Variants in NBEAL2 observed in about 807,000 individuals in gnomAD.
NBEAL2 encodes neurobeachin-like protein 2.
Under a neutral mutation model 299.8 loss-of-function variants are expected in NBEAL2, and 160 were observed. The ratio of observed to expected loss-of-function variants is 0.53; its 90% CI spans 0.47 to 0.61. The LOEUF is 0.61. Ranked by LOEUF, NBEAL2 falls within the 20% of genes least tolerant of loss-of-function variation. NBEAL2 has a pLI of 0.00. For synonymous variants in NBEAL2, 1,493 were observed against 1,542.3 expected (o/e 0.97, Z 0.75); for missense variants, 3,112 against 3,649.0 (o/e 0.85, Z 3.79).
chr3:47,002,761 G>A lies in NBEAL2; in HGVS notation c.5418G>A (p.Leu1806=), dbSNP rs1191526013. Residue 1806 remains leucine (L), a synonymous_variant, in exon 33 of 54, where the codon CTG becomes CTA. Coordinates refer to ENST00000450053, the MANE Select transcript of NBEAL2 (RefSeq NM_015175.3). ...HSMALLHWGA[L]WRQLASPCGA... is the part of the protein sequence containing the mutation. ...TGGCCCTGCTGCACTGGGGGGCGCT[G>A]TGGCGCCAGCTCGCCAGCCCATGTG... The A allele has an allele frequency of 6.4e-7, 1 of 1,572,126 alleles. No homozygotes were observed. Among genetic ancestry groups the A allele is most frequent in the Admixed American group, 1.8e-5 (1 of 54,690 alleles).
Position 46,989,318 on chromosome 3 carries a change from A to T in NBEAL2, c.410A>T (p.His137Leu), listed in dbSNP as rs1444511535. Residue 137 changes from histidine to leucine, a missense_variant, in exon 5 of 54, where the codon CAT (histidine) becomes CTT (leucine). Coordinates refer to ENST00000450053, the MANE Select transcript of NBEAL2 (RefSeq NM_015175.3). The surrounding 1 kb of genome is among the most constrained non-coding windows in gnomAD (Gnocchi z 5.5). ...ACGCAGTTGGAGAATGTGGCCCTACATGCTCTGCTTCTCTGCGAGGGCCTC... is the reference window on the plus strand; with the variant it reads ...ACGCAGTTGGAGAATGTGGCCCTACTTGCTCTGCTTCTCTGCGAGGGCCTC... ...RGTQLENVAL[H>L]ALLLCEGLFD... 6.2e-7 allele frequency: 1 copy of T among 1,601,346 alleles called. No homozygotes were observed. Among genetic ancestry groups the T allele is most frequent in the Non-Finnish European group, 8.5e-7 (1 of 1,174,168 alleles).
chr3:47,005,969 C>T lies in NBEAL2; in HGVS notation c.6825C>T (p.His2275=). ...AGGAGTCGGAGTATGTGTCTGCACA[C>T]CTACACGAGTGGATCGACCTCATCT... ...QALESEYVSA[H]LHEWIDLIFG... The change falls in exon 43 of 54, where the codon CAC becomes CAT. Residue 2275 remains histidine (H), a synonymous_variant. Coordinates refer to ENST00000450053, the MANE Select transcript of NBEAL2 (RefSeq NM_015175.3). The T allele has an allele frequency of 6.2e-7, 1 of 1,613,758 alleles. No homozygotes were observed. Among genetic ancestry groups the T allele is most frequent in the Non-Finnish European group, 8.5e-7 (1 of 1,179,904 alleles).
At chr3:47,007,790 G>T in intron 48 of NBEAL2, 26 bp from the exon 49 acceptor site, 2 of 1,610,808 alleles carry the variant, frequency 1.2e-6, no homozygotes, top group African/African-American at 1.3e-5. Context: ...CCTCCGTTCT[G>T]CCTGTACCCT....
Position 47,004,858 on chromosome 3 carries a change from T to G in NBEAL2, c.6295-114T>G. 1 of 1,464,352 alleles carries G rather than the reference T, an allele frequency of 6.8e-7. No homozygotes were observed. The highest frequency in any genetic ancestry group is 1.4e-5 in the African/African-American group (1 of 71,456). 90.7% of individuals were successfully genotyped at this position (1,464,352 alleles called of 1,614,324 possible). ...CCCCTGTGACCCCTCTAAGTGGTGC[T>G]CCCCCAACCTGTGGGCAGGCTCTGT... On this transcript the variant is annotated intron_variant, in intron 38 of 53. Coordinates refer to ENST00000450053, the MANE Select transcript of NBEAL2 (RefSeq NM_015175.3). The surrounding 1 kb of genome is among the most constrained non-coding windows in gnomAD (Gnocchi z 5.0).
chr3:46,997,451 C>CT lies in NBEAL2; in HGVS notation c.2824+19dup. The CT allele has an allele frequency of 6.2e-7, 1 of 1,605,158 alleles. No homozygotes were observed. The highest frequency in any genetic ancestry group is 8.5e-7 in the Non-Finnish European group (1 of 1,173,612). ...ATCTTCAGGTAAGTGTTCCTGGTGC[C>CT]TATGTTGTGGAGAGGGAATCTTGGC... is the stretch of plus-strand genomic sequence containing the variant. On this transcript the variant is annotated intron_variant, in intron 19 of 53. Coordinates refer to ENST00000450053, the MANE Select transcript of NBEAL2 (RefSeq NM_015175.3).
rs2036462239 is a variant in NBEAL2, at chr3:46,995,927, T to C, written c.2032-5T>C. On this transcript the variant is annotated splice_region_variant and splice_polypyrimidine_tract_variant and intron_variant, in intron 14 of 53. Transcript: ENST00000450053. ...GTATGGCCTAATGTGAGGCTTCTGTTCTAGCACTGCGTGGCTATCGTCCAT... is the reference window on the plus strand; with the variant it reads ...GTATGGCCTAATGTGAGGCTTCTGTCCTAGCACTGCGTGGCTATCGTCCAT... The C allele has an allele frequency of 6.2e-7, 1 of 1,613,378 alleles. No homozygotes were observed. Among genetic ancestry groups the C allele is most frequent in the Non-Finnish European group, 8.5e-7 (1 of 1,179,798 alleles).
At chr3:46,994,383 G>A in intron 11 of NBEAL2, 72 bp from the exon 12 acceptor site, 1 of 1,398,436 alleles carries the variant, frequency 7.2e-7, no homozygotes, top group Non-Finnish European at 9.9e-7. Context: ...CCCCTCCAGA[G>A]TTTCCAGGGG....
At chr3:47,006,800 GA>G (rs774774967) in intron 45 of NBEAL2, among the ~76,000 whole-genome samples, 1 of 152,088 alleles carries the variant, frequency 6.6e-6, no homozygotes, top group Non-Finnish European at 1.5e-5. Flanking sequence ...GGGCTAGGGG[GA>G]CAAGGAATAA....
intron 40 of NBEAL2, 31 bp downstream of exon 40, chr3:47,005,352 G>T (rs2305638): frequency 3.1e-6 from 5 of 1,597,896 alleles, no homozygotes; most frequent in Non-Finnish European, 4.3e-6. Flanking sequence ...GGCAGACTAG[G>T]GGGCAGATAA....
Position 47,003,103 on chromosome 3 carries a change from G to C in NBEAL2, c.5584+22G>C, listed in dbSNP as rs1378498127. ...CTGGGTGAGGGAGTGTGCTGAGATG[G>C]GTCCACCCAACTCGATTGTCCCGTC... On this transcript the variant is annotated intron_variant, in intron 34 of 53. Coordinates refer to ENST00000450053, the MANE Select transcript of NBEAL2 (RefSeq NM_015175.3). The surrounding 1 kb of genome is among the most constrained non-coding windows in gnomAD (Gnocchi z 7.0). The C allele has an allele frequency of 6.2e-7, 1 of 1,611,846 alleles. No homozygotes were observed. Among genetic ancestry groups the C allele is most frequent in the Non-Finnish European group, 8.5e-7 (1 of 1,178,898 alleles).
chr3:47,008,482 G>GC (rs1234867013), intron 51 of NBEAL2, 38 bp from the exon 52 acceptor site: 1 of 1,610,140 alleles, frequency 6.2e-7, no homozygotes, highest in African/African-American at 1.3e-5. Flanking sequence ...AGGGGCAGTT[G>GC]GGATCCTGTC....
chr3:46,993,903 C>T (rs774711952), intron 10 of NBEAL2, 34 bp from the exon 11 acceptor site: 10 of 1,582,814 alleles, frequency 6.3e-6, no homozygotes, highest in Non-Finnish European at 8.6e-6. Flanking sequence ...CACCCTGGCC[C>T]CTGCCTCTCC....
rs1464909307 is a variant in NBEAL2 at position 47,005,718 on chromosome 3, G to A, written c.6692-20G>A. 1.7e-5 allele frequency: 27 copies of A among 1,612,848 alleles called. No individual in the cohort carries two copies. The highest frequency in any genetic ancestry group is 3.3e-4 in the Middle Eastern group (2 of 6,060). Reference sequence around the variant, plus strand: ...AGTCGGGATGGACAGGGAGACAGCTGACCCAGTCCTCTGTGCCAGGTTTTG... The same window carrying A: ...AGTCGGGATGGACAGGGAGACAGCTAACCCAGTCCTCTGTGCCAGGTTTTG... On this transcript the variant is annotated intron_variant, in intron 41 of 53. Coordinates refer to ENST00000450053, the MANE Select transcript of NBEAL2 (RefSeq NM_015175.3).
intron 20 of NBEAL2, 123 bp from the exon 21 acceptor site, chr3:46,997,944 C>A: frequency 7.6e-7 from 1 of 1,321,586 alleles, no homozygotes; most frequent in Non-Finnish European, 1.0e-6. Flanking sequence ...CCAAAGGGTT[C>A]TGAGCAGGCT....
chr3:46,980,363 G>A (rs1330217775), intron 1 of NBEAL2, among the ~76,000 whole-genome samples: 1 of 152,142 alleles, frequency 6.6e-6, no homozygotes, highest in Non-Finnish European at 1.5e-5. Flanking sequence ...CGTGGCCAAC[G>A]GGTCTGGGGG....
In NBEAL2 at chr3:47,002,678, C is replaced by T. The variant is rs199944912; in HGVS notation, c.5335C>T (p.Arg1779Cys). ...GCTGGAACCTGCGCAGAGGCGGGCGCGCCTGGAGGGGCTACGCTACACGGC... is the reference window on the plus strand; with the variant it reads ...GCTGGAACCTGCGCAGAGGCGGGCGTGCCTGGAGGGGCTACGCTACACGGC... The part of the protein sequence containing the change: ...LVLEPAQRRA[R>C]LEGLRYTAVL... Residue 1779 changes from arginine (R) to cysteine (C), a missense_variant, in exon 33 of 54, where the codon CGC becomes TGC. Physicochemically the swap from Arg to Cys is radical, Grantham distance 180. Around this residue, in one of 3 missense-constraint regions of NBEAL2, gnomAD observed 2,243 missense variants for 2,538.1 expected, o/e 0.88. Transcript: ENST00000450053. 2.7e-4 allele frequency: 426 copies of T among 1,607,172 alleles called. 1 individual carries two copies. Among genetic ancestry groups the T allele is most frequent in the Non-Finnish European group, 3.2e-4 (374 of 1,178,214 alleles).
At chr3:46,994,167 G>A (rs2036303811) in intron 11 of NBEAL2, 147 bp downstream of exon 11, 1 of 821,692 alleles carries the variant, frequency 1.2e-6, no homozygotes, top group Non-Finnish European at 1.9e-6. Flanking sequence ...CTGCCCTAAA[G>A]CTCACTGGGC....
At chr3:47,007,469 G>T (rs2037535172) in intron 47 of NBEAL2, 56 bp from the exon 48 acceptor site, 1 of 1,575,536 alleles carries the variant, frequency 6.3e-7, no homozygotes, top group East Asian at 2.3e-5. Context: ...CTCCCTGAGG[G>T]CCTGGGTCTC....
At chr3:47,008,731 G>A (rs1394375734) in intron 52 of NBEAL2, 63 bp downstream of exon 52, 4 of 1,598,134 alleles carry the variant, frequency 2.5e-6, no homozygotes, top group Admixed American at 3.5e-5. Flanking sequence ...TAGGATAAAG[G>A]CCCTAGGAAC....
Sources: gnomAD v4.1 joint callset for allele counts (sites outside exome capture counted in the v4.1 genomes callset) on GRCh38, gnomAD v4.1.1 for gene constraint, gnomAD v4.1.1 regional missense constraint, Gnocchi (gnomAD v3.1) non-coding constraint, MANE v1.5 for transcripts, NCBI Gene and HGNC (gene_info 2026-07-23, HGNC 2026-07-21) for gene names.